MEIS2: variants seen among roughly 807,000 people sequenced by gnomAD.
The protein encoded by MEIS2 is homeobox protein Meis2.
In MEIS2, 9 loss-of-function variants were observed where a neutral mutation model predicts 58.6. The observed-to-expected ratio is 0.15, with a 90% CI of 0.09 to 0.27. The LOEUF (loss-of-function observed/expected upper bound fraction) is 0.27. Ranked by LOEUF, MEIS2 falls within the 10% of genes least tolerant of loss-of-function variation. The pLI is 1.00. For synonymous variants in MEIS2, 221 were observed against 228.4 expected (o/e 0.97, Z 0.29); for missense variants, 427 against 635.0 (o/e 0.67, Z 3.52).
At chr15:36,938,223 G>T (rs919271092) in intron 9 of MEIS2, among the ~76,000 whole-genome samples, 2 of 152,060 alleles carry the variant, frequency 1.3e-5, no homozygotes, top group African/African-American at 2.4e-5. Context: ...GAGCTCATCT[G>T]CTCCCAGGAC....
At position 37,025,081 on chromosome 15, in the gene MEIS2, C is replaced by T. The variant is rs183776591; in HGVS notation, c.900+11733G>A. On this transcript the variant is annotated intron_variant, in intron 8 of 11. Transcript: ENST00000561208. ...CATGTGCTATGTGTAGGATTTGATCCCCATTCCAGACTTAGGGCAAAAGAA... is the reference window on the plus strand; with the variant it reads ...CATGTGCTATGTGTAGGATTTGATCTCCATTCCAGACTTAGGGCAAAAGAA... Among the ~76,000 whole-genome samples, 482 of 152,222 alleles carry T rather than the reference C, an allele frequency of 3.2e-3. 1 individual carries two copies. Among genetic ancestry groups the T allele is most frequent in the Admixed American group, 6.1e-3 (93 of 15,292 alleles).
intron 8 of MEIS2, among the ~76,000 whole-genome samples, chr15:37,013,766 A>G (rs865988950): frequency 6.6e-6 from 1 of 152,052 alleles, no homozygotes; most frequent in Non-Finnish European, 1.5e-5. Context: ...CCATTTTACA[A>G]CTGAAGAAAC....
At chr15:36,896,353 C>T (rs903032624) in intron 10 of MEIS2, among the ~76,000 whole-genome samples, 1 of 152,148 alleles carries the variant, frequency 6.6e-6, no homozygotes, top group African/African-American at 2.4e-5. Context: ...AATGCCAGAG[C>T]TCACAAACAC....
At chr15:36,896,176 A>T (rs2056166218) in intron 10 of MEIS2, among the ~76,000 whole-genome samples, 1 of 152,260 alleles carries the variant, frequency 6.6e-6, no homozygotes, top group African/African-American at 2.4e-5. Flanking sequence ...GTGGCAATGC[A>T]GCAAGTCAGG....
intron 8 of MEIS2, among the ~76,000 whole-genome samples, chr15:37,035,523 G>T (rs536346178): frequency 6.6e-6 from 1 of 152,084 alleles, no homozygotes; most frequent in Admixed American, 6.6e-5. Flanking sequence ...TCCAGAGACC[G>T]CATGTTCTGT....
At chr15:37,055,815 A>G (rs1021673931) in intron 7 of MEIS2, among the ~76,000 whole-genome samples, 2 of 152,370 alleles carry the variant, frequency 1.3e-5, no homozygotes, top group East Asian at 3.9e-4. Context: ...ACCACAAAAA[A>G]TAAAGTAATT....
intron 9 of MEIS2, among the ~76,000 whole-genome samples, chr15:36,937,621 T>C (rs945557582): frequency 1.3e-5 from 2 of 152,216 alleles, no homozygotes; most frequent in Non-Finnish European, 2.9e-5. Flanking sequence ...TGGTCACTGT[T>C]GAAGCAAATT....
intron 9 of MEIS2, among the ~76,000 whole-genome samples, chr15:36,916,232 C>T (rs572225567): frequency 6.7e-6 from 1 of 149,884 alleles, no homozygotes; most frequent in Non-Finnish European, 1.5e-5. Context: ...TTGAGACCAT[C>T]CTGGCTAAAA....
intron 9 of MEIS2, among the ~76,000 whole-genome samples, chr15:36,898,938 A>G (rs2056327589): frequency 6.6e-6 from 1 of 152,234 alleles, no homozygotes. Context: ...ACTAGTTACC[A>G]TGGCATGGAC....
intron 9 of MEIS2, among the ~76,000 whole-genome samples, chr15:36,918,034 T>G (rs2057351843): frequency 6.6e-6 from 1 of 152,296 alleles, no homozygotes; most frequent in South Asian, 2.1e-4. Context: ...TAACAAATAT[T>G]TATTCAGTGT....
At chr15:36,977,939 T>C (rs1433716494) in intron 8 of MEIS2, among the ~76,000 whole-genome samples, 1 of 152,144 alleles carries the variant, frequency 6.6e-6, no homozygotes, top group African/African-American at 2.4e-5. Flanking sequence ...ATACACAAAA[T>C]ACCCTGCTTA....
chr15:36,998,248 T>G (rs1004280483), intron 8 of MEIS2, among the ~76,000 whole-genome samples: 8 of 146,464 alleles, frequency 5.5e-5, no homozygotes, highest in African/African-American at 1.8e-4. Context: ...TTTTTTTTTT[T>G]TTTTTTTTTT....
At chr15:37,043,275 C>T (rs888288478) in intron 7 of MEIS2, among the ~76,000 whole-genome samples, 2 of 152,116 alleles carry the variant, frequency 1.3e-5, no homozygotes, top group East Asian at 3.9e-4. Flanking sequence ...TCTGGAGGAA[C>T]AAGACTTTTT....
chr15:36,894,938 T>G lies in MEIS2; in HGVS notation c.1147+213A>C, dbSNP rs537666628. 24 of 966,462 alleles carry G rather than the reference T, an allele frequency of 2.5e-5. No homozygotes were observed. In the South Asian group the frequency reaches 3.1e-4, roughly 12 times the overall value. The allele number at this position is 966,462 out of a possible 1,614,324, so 59.9% of individuals were successfully genotyped here. ...GTTTAAAAAGAAAAAAGAAAAAGGA[T>G]GTGTATGGGGCAGAGTATAATGGTA... On this transcript the variant is annotated intron_variant, in intron 11 of 11. Coordinates refer to ENST00000561208, the MANE Select transcript of MEIS2 (RefSeq NM_170675.5).
At chr15:37,031,656 G>T (rs1463025226) in intron 8 of MEIS2, among the ~76,000 whole-genome samples, 1 of 151,932 alleles carries the variant, frequency 6.6e-6, no homozygotes, top group African/African-American at 2.4e-5. Context: ...ATTCTAATAG[G>T]CAAGTAGTAA....
At chr15:37,070,148 ATTGT>A (rs145428839) in intron 7 of MEIS2, among the ~76,000 whole-genome samples, 265 of 152,326 alleles carry the variant, frequency 1.7e-3, no homozygotes, top group African/African-American at 6.2e-3. Flanking sequence ...TTCAAGGCAC[ATTGT>A]TTGATTAATA....
At chr15:37,031,261 C>A (rs1434089921) in intron 8 of MEIS2, among the ~76,000 whole-genome samples, 1 of 152,080 alleles carries the variant, frequency 6.6e-6, no homozygotes, top group East Asian at 1.9e-4. Context: ...TTGCAGATTC[C>A]AGGCCCTGTG....
At chr15:37,044,994 T>C (rs1245762828) in intron 7 of MEIS2, among the ~76,000 whole-genome samples, 1 of 152,176 alleles carries the variant, frequency 6.6e-6, no homozygotes, top group Non-Finnish European at 1.5e-5. Flanking sequence ...TTCCCTGGCT[T>C]CTAGTAGTCA....
chr15:36,976,888 C>T (rs761587649), intron 8 of MEIS2, among the ~76,000 whole-genome samples: 123 of 152,130 alleles, frequency 8.1e-4, no homozygotes, highest in Middle Eastern at 3.2e-3. Context: ...CTTTGGGATG[C>T]CAAGGCAGGC....
Sources: allele counts gnomAD v4.1 joint callset (sites outside exome capture counted in the v4.1 genomes callset), GRCh38; gene constraint gnomAD v4.1.1; transcripts MANE v1.5; gene names NCBI Gene and HGNC (gene_info 2026-07-23, HGNC 2026-07-21).